Variants in ECHDC1 observed in about 807,000 individuals in gnomAD.
ECHDC1 encodes the protein ethylmalonyl-CoA decarboxylase.
ECHDC1 carries 29 observed loss-of-function variants against 29.7 expected under a neutral mutation model. The ratio of observed to expected loss-of-function variants is 0.98; its 90% CI spans 0.73 to 1.33. The LOEUF is 1.33. Ranked by LOEUF, ECHDC1 falls within the 40% of genes most tolerant of loss-of-function variation. The pLI is 0.00. For missense variants in ECHDC1, 328 were observed against 350.0 expected (o/e 0.94, Z 0.50); for synonymous variants, 126 against 123.1 (o/e 1.02, Z -0.15).
At chr6:127,299,982 G>A (rs1015882504) in intron 5 of ECHDC1, among the ~76,000 whole-genome samples, 1 of 152,052 alleles carries the variant, frequency 6.6e-6, no homozygotes, top group African/African-American at 2.4e-5. Flanking sequence ...GGAGCAATAA[G>A]CTATACCATA....
chr6:127,334,148 T>C (rs1273854369), intron 1 of ECHDC1, among the ~76,000 whole-genome samples: 1 of 152,214 alleles, frequency 6.6e-6, no homozygotes, highest in Non-Finnish European at 1.5e-5. Context: ...TACTCCTTAG[T>C]ATTGCCTAAC....
At chr6:127,301,276 G>A (rs1781035233) in intron 5 of ECHDC1, among the ~76,000 whole-genome samples, 1 of 152,134 alleles carries the variant, frequency 6.6e-6, no homozygotes, top group African/African-American at 2.4e-5. Context: ...TTGCGGGAAG[G>A]GGACAGTGTT....
chr6:127,316,370 T>C (rs1782377217), intron 4 of ECHDC1, 80 bp downstream of exon 4: 4 of 1,177,396 alleles, frequency 3.4e-6, no homozygotes, highest in South Asian at 2.7e-5. Flanking sequence ...TATTATTTCT[T>C]AACTAGTACA....
intron 5 of ECHDC1, among the ~76,000 whole-genome samples, chr6:127,309,810 GCAGGCATATCTTCACATGA>G (rs1240352008): frequency 6.6e-6 from 1 of 152,194 alleles, no homozygotes; most frequent in Admixed American, 6.5e-5. Context: ...CGAAGCGGAA[GCAGGCATATCTTCACATGA>G]CAGAGCAGGA....
chr6:127,314,052 T>C (rs1048799021), intron 5 of ECHDC1, among the ~76,000 whole-genome samples: 5 of 152,174 alleles, frequency 3.3e-5, no homozygotes, highest in African/African-American at 9.6e-5. Flanking sequence ...GGCTCTTTAC[T>C]GTTTTGCCAT....
chr6:127,327,136 T>C lies in ECHDC1; in HGVS notation c.229A>G (p.Met77Val), dbSNP rs762374467. The change falls in exon 3 of 6, where the codon ATG becomes GTG. Residue 77 changes from methionine to valine, a missense_variant. Transcript: ENST00000454859. ...SRMNAFSGVMMLQLLEKVIEL... is the reference protein window; with the variant it reads ...SRMNAFSGVMVLQLLEKVIEL... Reference sequence around the variant, plus strand: ...ATTACTTTTTCCAGAAGTTGTAGCATCATAACACCTGCCAGAGATGGAAGT... The same window carrying C: ...ATTACTTTTTCCAGAAGTTGTAGCACCATAACACCTGCCAGAGATGGAAGT... 3.4e-5 allele frequency: 55 copies of C among 1,612,266 alleles called. No homozygotes were observed. The highest frequency in any genetic ancestry group is 4.6e-5 in the Non-Finnish European group (54 of 1,179,178).
At chr6:127,307,401 C>T (rs914433994) in intron 5 of ECHDC1, among the ~76,000 whole-genome samples, 3 of 151,998 alleles carry the variant, frequency 2.0e-5, no homozygotes. Context: ...GAGACCAAGG[C>T]GGGCAGATCA....
intron 1 of ECHDC1, among the ~76,000 whole-genome samples, chr6:127,333,311 C>CTTGACTT (rs1583009319): frequency 6.6e-6 from 1 of 152,156 alleles, no homozygotes; most frequent in East Asian, 1.9e-4. Context: ...TAGTTCCCAG[C>CTTGACTT]TTGACTTTTC....
intron 5 of ECHDC1, among the ~76,000 whole-genome samples, chr6:127,303,762 T>C (rs1781235426): frequency 6.6e-6 from 1 of 152,184 alleles, no homozygotes; most frequent in African/African-American, 2.4e-5. Flanking sequence ...CATTTGGCAG[T>C]ATTCCCTGTG....
intron 1 of ECHDC1, among the ~76,000 whole-genome samples, chr6:127,331,546 T>C (rs1783946567): frequency 6.6e-6 from 1 of 152,150 alleles, no homozygotes; most frequent in Non-Finnish European, 1.5e-5. Flanking sequence ...AAGCATATCA[T>C]TTCAGTATAT....
At chr6:127,315,679 C>A in intron 4 of ECHDC1, 4 of 273,072 alleles carry the variant, frequency 1.5e-5, no homozygotes, top group Non-Finnish European at 1.5e-5. Context: ...ATGAAAAAGT[C>A]AAATGCAATA....
At chr6:127,291,417 T>G (rs963112327) in intron 5 of ECHDC1, among the ~76,000 whole-genome samples, 2 of 151,876 alleles carry the variant, frequency 1.3e-5, no homozygotes, top group Admixed American at 6.6e-5. Flanking sequence ...AGTAAGAAAG[T>G]TATTGATAGT....
intron 5 of ECHDC1, among the ~76,000 whole-genome samples, chr6:127,310,249 T>C (rs1781796267): frequency 6.6e-6 from 1 of 152,170 alleles, no homozygotes; most frequent in South Asian, 2.1e-4. Flanking sequence ...ATAATTGGAT[T>C]TTTTGTAACA....
chr6:127,301,577 A>G (rs990014941), intron 5 of ECHDC1, among the ~76,000 whole-genome samples: 10 of 152,222 alleles, frequency 6.6e-5, no homozygotes, highest in Non-Finnish European at 1.3e-4. Context: ...GATAAAATTA[A>G]GTGGAAAAAA....
intron 1 of ECHDC1, 74 bp from the exon 2 acceptor site, chr6:127,331,104 GCTGTAGTAATGGACCCTT>G: frequency 8.6e-7 from 1 of 1,160,176 alleles, no homozygotes; most frequent in South Asian, 1.3e-5. Flanking sequence ...GTGTTAATAG[GCTGTAGTAATGGACCCTT>G]CTGTTGAGTT....
At chr6:127,342,867 T>C (rs1785078485) in intron 1 of ECHDC1, 1 of 153,522 alleles carries the variant, frequency 6.5e-6, no homozygotes, top group Non-Finnish European at 1.4e-5. Flanking sequence ...TGCTCATCTT[T>C]CGTTCTTGAA....
chr6:127,299,959 G>T (rs888390884), intron 5 of ECHDC1, among the ~76,000 whole-genome samples: 1 of 152,082 alleles, frequency 6.6e-6, no homozygotes, highest in Non-Finnish European at 1.5e-5. Context: ...AGGCTTTACA[G>T]GTTTGTAGCC....
intron 5 of ECHDC1, 74 bp downstream of exon 5, chr6:127,314,742 T>C: frequency 8.8e-7 from 1 of 1,139,520 alleles, no homozygotes; most frequent in Non-Finnish European, 1.3e-6. Context: ...TATAAAATAT[T>C]GATATTAAGG....
chr6:127,291,974 A>G (rs555587088), intron 5 of ECHDC1, among the ~76,000 whole-genome samples: 1 of 152,258 alleles, frequency 6.6e-6, no homozygotes, highest in African/African-American at 2.4e-5. Flanking sequence ...TTATCACAAT[A>G]TTGTAAGAGG....
Sources: allele counts gnomAD v4.1 joint callset (sites outside exome capture counted in the v4.1 genomes callset), GRCh38; gene constraint gnomAD v4.1.1; transcripts MANE v1.5; gene names NCBI Gene and HGNC (gene_info 2026-07-23, HGNC 2026-07-21).